The following TNIK variants were observed in gnomAD, a reference collection of about 807,000 sequenced individuals.
TNIK encodes the protein TRAF2 and NCK-interacting protein kinase.
TNIK carries 49 observed loss-of-function variants against 191.3 expected under a neutral mutation model. The ratio of observed to expected loss-of-function variants is 0.26; its 90% CI spans 0.20 to 0.32. TNIK has a LOEUF of 0.32. Ranked by LOEUF, TNIK falls within the 10% of genes least tolerant of loss-of-function variation. The pLI is 1.00. For missense variants in TNIK, 1,155 were observed against 1,702.3 expected (o/e 0.68, Z 5.66); for synonymous variants, 594 against 600.9 (o/e 0.99, Z 0.17).
Position 171,108,177 on chromosome 3 carries a change from C to CA in TNIK, c.2285-16dup. On this transcript the variant is annotated splice_polypyrimidine_tract_variant and intron_variant, in intron 19 of 32. Transcript: ENST00000436636. Reference sequence around the variant, plus strand: ...CTTACTGTTGGCTAGAGGAAAAAAACAGAGGACCAAGAAAGAGATGGCCAT... The same window carrying CA: ...CTTACTGTTGGCTAGAGGAAAAAAACAAGAGGACCAAGAAAGAGATGGCCAT... 6.6e-7 allele frequency: 1 copy of CA among 1,524,452 alleles called. No individual in the cohort carries two copies. The highest frequency in any genetic ancestry group is 8.8e-7 in the Non-Finnish European group (1 of 1,136,842). 94.4% of individuals were successfully genotyped at this position (1,524,452 alleles called of 1,614,324 possible).
chr3:171,177,297 C>G (rs1166528729), intron 8 of TNIK, 29 bp downstream of exon 8: 4 of 1,597,124 alleles, frequency 2.5e-6, no homozygotes, highest in African/African-American at 1.3e-5. Flanking sequence ...AGACCAGCAA[C>G]AGATTTCACC....
intron 2 of TNIK, among the ~76,000 whole-genome samples, chr3:171,281,496 A>G (rs940584335): frequency 1.3e-5 from 2 of 152,336 alleles, no homozygotes; most frequent in Non-Finnish European, 2.9e-5. Context: ...TTCTTAATCT[A>G]CAAATGGGGA....
At position 171,279,742 on chromosome 3, in the gene TNIK, T is replaced by C. The variant is rs1255647271; in HGVS notation, c.124-51521A>G. Among the ~76,000 whole-genome samples, 7 of 152,230 alleles carry C rather than the reference T, an allele frequency of 4.6e-5. No individual in the cohort carries two copies. In the East Asian group the frequency reaches 1.3e-3, roughly 29 times the overall value. On this transcript the variant is annotated intron_variant, in intron 2 of 32. Coordinates refer to ENST00000436636, the MANE Select transcript of TNIK (RefSeq NM_015028.4). ...TTCTAAGCATTTCACACCTATCATT[T>C]ACTTAATACAGCAACCCTACATGGG...
intron 2 of TNIK, among the ~76,000 whole-genome samples, chr3:171,303,328 T>A (rs1490459299): frequency 2.0e-5 from 3 of 152,190 alleles, no homozygotes; most frequent in Non-Finnish European, 4.4e-5. Flanking sequence ...AGACTCTAAA[T>A]GGCCTAATAT....
At chr3:171,407,967 T>C (rs1280085487) in intron 1 of TNIK, among the ~76,000 whole-genome samples, 2 of 152,080 alleles carry the variant, frequency 1.3e-5, no homozygotes, top group African/African-American at 2.4e-5. Flanking sequence ...CACATCTATC[T>C]GAGGCACACA....
At chr3:171,315,958 A>G (rs1350141878) in intron 2 of TNIK, among the ~76,000 whole-genome samples, 2 of 152,158 alleles carry the variant, frequency 1.3e-5, no homozygotes, top group African/African-American at 2.4e-5. Context: ...ATACAAACTC[A>G]TGACACAGGG....
At chr3:171,416,237 C>T (rs1723070380) in intron 1 of TNIK, among the ~76,000 whole-genome samples, 1 of 151,940 alleles carries the variant, frequency 6.6e-6, no homozygotes. Flanking sequence ...GAGGGAATAA[C>T]AACCTGACAT....
At chr3:171,097,025 A>G (rs1427853998) in intron 22 of TNIK, among the ~76,000 whole-genome samples, 2 of 152,194 alleles carry the variant, frequency 1.3e-5, no homozygotes, top group Non-Finnish European at 2.9e-5. Flanking sequence ...TGCCAAAATA[A>G]TTTTCTTATA....
At chr3:171,141,111 C>A (rs1401371746) in intron 12 of TNIK, among the ~76,000 whole-genome samples, 1 of 152,100 alleles carries the variant, frequency 6.6e-6, no homozygotes, top group African/African-American at 2.4e-5. Flanking sequence ...CGAATAAGAC[C>A]CTTATGCTTG....
chr3:171,208,404 A>C (rs1740371208), intron 4 of TNIK, among the ~76,000 whole-genome samples: 1 of 152,222 alleles, frequency 6.6e-6, no homozygotes, highest in Non-Finnish European at 1.5e-5. Context: ...GAAATTACTG[A>C]AATTACTACC....
intron 2 of TNIK, 47 bp downstream of exon 2, chr3:171,369,573 A>G: frequency 6.7e-7 from 1 of 1,500,304 alleles, no homozygotes; most frequent in Non-Finnish European, 9.1e-7. Flanking sequence ...TTTGTCATTC[A>G]TGAACTGAAA....
At chr3:171,135,567 A>G (rs1232356258) in intron 15 of TNIK, among the ~76,000 whole-genome samples, 2 of 152,230 alleles carry the variant, frequency 1.3e-5, no homozygotes, top group African/African-American at 4.8e-5. Flanking sequence ...AAGCTGGATT[A>G]TGTTAACCAC....
At chr3:171,250,705 TCA>T (rs1746128017) in intron 2 of TNIK, among the ~76,000 whole-genome samples, 1 of 152,204 alleles carries the variant, frequency 6.6e-6, no homozygotes, top group South Asian at 2.1e-4. Flanking sequence ...TCTTTAGATC[TCA>T]GTTTCCACAC....
rs1284261619 is a variant in TNIK at position 171,076,911 on chromosome 3, GCTT to G, written c.3448+2604_3448+2606del. Among the ~76,000 whole-genome samples, 14 of 150,306 alleles carry G rather than the reference GCTT, an allele frequency of 9.3e-5. No individual in the cohort carries two copies. The East Asian group carries it at 2.3e-3, about 25-fold the overall frequency. ...CTCACATCATTTCCTTCTCTCTCTA[GCTT>G]CTTCTCTTTCTTATGCATATGCACA... is the stretch of plus-strand genomic sequence containing the variant. On this transcript the variant is annotated intron_variant, in intron 28 of 32. Coordinates refer to ENST00000436636, the MANE Select transcript of TNIK (RefSeq NM_015028.4).
At chr3:171,409,863 A>G (rs1722160671) in intron 1 of TNIK, among the ~76,000 whole-genome samples, 3 of 151,174 alleles carry the variant, frequency 2.0e-5, no homozygotes, top group Admixed American at 6.6e-5. Flanking sequence ...TTACCATACT[A>G]TTCTTAATTT....
chr3:171,329,620 T>C (rs1207577056), intron 2 of TNIK, among the ~76,000 whole-genome samples: 1 of 152,216 alleles, frequency 6.6e-6, no homozygotes, highest in Non-Finnish European at 1.5e-5. Context: ...AAGAAGTAGA[T>C]GGCAAAATAA....
intron 2 of TNIK, among the ~76,000 whole-genome samples, chr3:171,264,474 G>GCC (rs898299158): frequency 6.6e-6 from 1 of 151,890 alleles, no homozygotes; most frequent in Non-Finnish European, 1.5e-5. Flanking sequence ...TCCTGCCTCA[G>GCC]CCCCCCGAGT....
At chr3:171,130,623 G>T (rs1036558118) in intron 15 of TNIK, among the ~76,000 whole-genome samples, 1 of 152,146 alleles carries the variant, frequency 6.6e-6, no homozygotes, top group African/African-American at 2.4e-5. Flanking sequence ...CTGAGATCAA[G>T]GCATGCAATA....
At chr3:171,330,247 TAGAC>T (rs1286079389) in intron 2 of TNIK, among the ~76,000 whole-genome samples, 2 of 152,228 alleles carry the variant, frequency 1.3e-5, no homozygotes, top group East Asian at 1.9e-4. Flanking sequence ...CATTGAGTCT[TAGAC>T]AGCAAAATAG....
Sources: allele counts gnomAD v4.1 joint callset (sites outside exome capture counted in the v4.1 genomes callset), GRCh38; gene constraint gnomAD v4.1.1; transcripts MANE v1.5; gene names NCBI Gene and HGNC (gene_info 2026-07-23, HGNC 2026-07-21).